Variants in CFAP20DC observed in about 807,000 individuals in gnomAD.
CFAP20DC encodes CFAP20 domain containing.
In CFAP20DC, 84 loss-of-function variants were observed where a neutral mutation model predicts 101.7. That is an observed-to-expected ratio of 0.83 (90% CI 0.69 to 0.99). CFAP20DC has a LOEUF of 0.99. Among genes scored for constraint, CFAP20DC ranks in the 50% least tolerant of loss-of-function variants. The probability of loss-of-function intolerance (pLI) is 0.00; values close to 1 mark genes in which losing one functional copy is unlikely to be tolerated. For missense variants in CFAP20DC, 1,007 were observed against 970.3 expected (o/e 1.04, Z -0.50); for synonymous variants, 359 against 351.2 (o/e 1.02, Z -0.25).
At chr3:58,918,826 T>C (rs1255989660) in intron 5 of CFAP20DC, among the ~76,000 whole-genome samples, 5 of 152,188 alleles carry the variant, frequency 3.3e-5, no homozygotes, top group Non-Finnish European at 4.4e-5. Context: ...CTTTTCCTCA[T>C]TTATAAAATG....
intron 15 of CFAP20DC, 148 bp downstream of exon 15, chr3:58,806,247 G>T: frequency 1.6e-6 from 1 of 623,998 alleles, no homozygotes; most frequent in Non-Finnish European, 2.8e-6. Context: ...AAAGTCCAAA[G>T]AAGACAAGTA....
At chr3:58,804,101 TATA>T (rs2073892191) in intron 15 of CFAP20DC, among the ~76,000 whole-genome samples, 1 of 152,224 alleles carries the variant, frequency 6.6e-6, no homozygotes, top group Non-Finnish European at 1.5e-5. Flanking sequence ...AAGTAAAGGC[TATA>T]ATGAGTCTTG....
chr3:58,990,428 TGAG>T (rs775885347), intron 4 of CFAP20DC, among the ~76,000 whole-genome samples: 6 of 152,202 alleles, frequency 3.9e-5, no homozygotes, highest in Non-Finnish European at 8.8e-5. Flanking sequence ...CTACTGCTGC[TGAG>T]GAGTTCTTTG....
chr3:58,757,016 G>C (rs140660771), intron 15 of CFAP20DC, among the ~76,000 whole-genome samples: 171 of 152,102 alleles, frequency 1.1e-3, no homozygotes, highest in Non-Finnish European at 1.6e-3. Flanking sequence ...ACACTTAAAT[G>C]AATAACCTTG....
chr3:58,767,175 T>C (rs924489743), intron 15 of CFAP20DC, among the ~76,000 whole-genome samples: 1 of 152,218 alleles, frequency 6.6e-6, no homozygotes, highest in Non-Finnish European at 1.5e-5. Flanking sequence ...GTACTTGATA[T>C]TGAAAGTCTC....
chr3:58,983,329 A>C (rs1304031666), intron 4 of CFAP20DC, among the ~76,000 whole-genome samples: 3 of 152,198 alleles, frequency 2.0e-5, no homozygotes, highest in Non-Finnish European at 4.4e-5. Context: ...AAATCTGGCT[A>C]ATCCTACTTT....
At chr3:58,755,971 A>G (rs766640673) in intron 15 of CFAP20DC, among the ~76,000 whole-genome samples, 15 of 152,212 alleles carry the variant, frequency 9.9e-5, no homozygotes, top group African/African-American at 1.4e-4. Context: ...ACAGATGAAA[A>G]TTATATAAAA....
intron 15 of CFAP20DC, among the ~76,000 whole-genome samples, chr3:58,755,634 T>C (rs1304216288): frequency 6.6e-6 from 1 of 152,220 alleles, no homozygotes; most frequent in Admixed American, 6.5e-5. Context: ...TCAATGTTTT[T>C]CCTTTTCAGC....
At chr3:58,792,452 T>C (rs2072933215) in intron 15 of CFAP20DC, among the ~76,000 whole-genome samples, 1 of 152,128 alleles carries the variant, frequency 6.6e-6, no homozygotes, top group African/African-American at 2.4e-5. Flanking sequence ...GAATAAAAAC[T>C]ATTTCAATGC....
At position 58,753,038 on chromosome 3, in the gene CFAP20DC, C is replaced by T. The variant is rs948383966; in HGVS notation, c.2332+731G>A. 3.9e-5 allele frequency among the ~76,000 whole-genome samples: 6 copies of T among 152,140 alleles called. No individual in the cohort carries two copies. In the East Asian group the frequency reaches 1.2e-3, roughly 29 times the overall value. The stretch of plus-strand genomic sequence containing the variant: ...CCATGCCTCTGCCATCTCAACTCCT[C>T]AGTTTTCACCAGAGATTCTCTTATG... On this transcript the variant is annotated intron_variant, in intron 16 of 16. Transcript: ENST00000482387.
intron 15 of CFAP20DC, among the ~76,000 whole-genome samples, chr3:58,765,376 AC>A: frequency 6.6e-6 from 1 of 150,692 alleles, no homozygotes; most frequent in East Asian, 2.0e-4. Flanking sequence ...CATTTACTGA[AC>A]TGCTGTGTGC....
intron 15 of CFAP20DC, among the ~76,000 whole-genome samples, chr3:58,773,137 T>C (rs1297070463): frequency 6.6e-6 from 1 of 151,720 alleles, no homozygotes; most frequent in African/African-American, 2.4e-5. Flanking sequence ...AGGTGACAAA[T>C]GCTTATGAAA....
intron 4 of CFAP20DC, among the ~76,000 whole-genome samples, chr3:58,987,540 T>C (rs2092792094): frequency 6.6e-6 from 1 of 151,898 alleles, no homozygotes. Flanking sequence ...TATGATTCTT[T>C]GAACAGACCA....
chr3:58,848,425 T>C (rs894617665), intron 13 of CFAP20DC, among the ~76,000 whole-genome samples: 2 of 152,154 alleles, frequency 1.3e-5, no homozygotes, highest in Non-Finnish European at 2.9e-5. Flanking sequence ...TTGTTATGCA[T>C]AGCCTCATTT....
At chr3:58,813,787 T>A (rs2074875166) in intron 14 of CFAP20DC, among the ~76,000 whole-genome samples, 1 of 151,948 alleles carries the variant, frequency 6.6e-6, no homozygotes, top group Non-Finnish European at 1.5e-5. Context: ...TGTACTCAGA[T>A]ACTTTGGTAA....
rs150388224 is a variant in CFAP20DC at position 59,041,207 on chromosome 3, G to A, written c.206-1578C>T. ...TCTTTAAAAAAGGTCCCTAATTTAT[G>A]TCACAAATCTCACTGAATCAGCACT... On this transcript the variant is annotated intron_variant, in intron 3 of 16. Transcript: ENST00000482387. 8.7e-4 allele frequency among the ~76,000 whole-genome samples: 132 copies of A among 152,144 alleles called. No homozygotes were observed. In the East Asian group the frequency reaches 0.016, roughly 19 times the overall value.
chr3:58,826,266 T>C (rs1296965549), intron 14 of CFAP20DC, among the ~76,000 whole-genome samples: 1 of 152,220 alleles, frequency 6.6e-6, no homozygotes, highest in Non-Finnish European at 1.5e-5. Flanking sequence ...GATGTTTATT[T>C]TGGAATCTTG....
At chr3:58,774,715 C>A (rs1028065666) in intron 15 of CFAP20DC, among the ~76,000 whole-genome samples, 10 of 152,128 alleles carry the variant, frequency 6.6e-5, no homozygotes, top group African/African-American at 2.4e-4. Flanking sequence ...GTATGATGAG[C>A]AAATCAGAAA....
chr3:58,936,439 G>A (rs868773726), intron 5 of CFAP20DC, among the ~76,000 whole-genome samples: 6 of 152,070 alleles, frequency 3.9e-5, no homozygotes, highest in South Asian at 2.1e-4. Flanking sequence ...TACCCAAAGG[G>A]TTAGAAATCA....
Sources: gnomAD v4.1 joint callset for allele counts (sites outside exome capture counted in the v4.1 genomes callset) on GRCh38, gnomAD v4.1.1 for gene constraint, MANE v1.5 for transcripts, NCBI Gene and HGNC (gene_info 2026-07-23, HGNC 2026-07-21) for gene names.